Variants in CDYL2 observed in about 807,000 individuals in gnomAD.
CDYL2 encodes chromodomain Y-like protein 2.
A neutral mutation model predicts 49.4 loss-of-function variants in CDYL2; 23 were observed. The ratio of observed to expected loss-of-function variants is 0.47; its 90% CI spans 0.34 to 0.66. The LOEUF (loss-of-function observed/expected upper bound fraction) is 0.66. Among genes scored for constraint, CDYL2 ranks in the 30% least tolerant of loss-of-function variants. CDYL2 has a pLI of 0.01. For synonymous variants in CDYL2, 360 were observed against 268.8 expected (o/e 1.34, Z -3.32); for missense variants, 678 against 656.4 (o/e 1.03, Z -0.36).
rs180924485 is a variant in CDYL2 at position 80,741,139 on chromosome 16, G to C, written c.25-56010C>G. ...GACAAAAAACCAAATTGCATAAAAA[G>C]CCCAGAAACATATATATACATAATA... is the stretch of plus-strand genomic sequence containing the variant. On this transcript the variant is annotated intron_variant, in intron 1 of 6. Coordinates refer to ENST00000570137, the MANE Select transcript of CDYL2 (RefSeq NM_152342.4). Among the ~76,000 whole-genome samples, 4 of 149,496 alleles carry C rather than the reference G, an allele frequency of 2.7e-5. No individual in the cohort carries two copies. In the East Asian group the frequency reaches 7.8e-4, roughly 29 times the overall value.
intron 1 of CDYL2, among the ~76,000 whole-genome samples, chr16:80,774,574 A>T (rs995818367): frequency 6.6e-6 from 1 of 152,222 alleles, no homozygotes; most frequent in African/African-American, 2.4e-5. Context: ...AAAAAGATAA[A>T]TTGGTGAGGT....
chr16:80,744,056 CA>C (rs72081429), intron 1 of CDYL2, among the ~76,000 whole-genome samples: 126,185 of 151,826 alleles, frequency 0.83, 54,137 homozygotes, highest in Non-Finnish European at 0.95. Flanking sequence ...TTAATATGTT[CA>C]AAACCCCCAG....
chr16:80,608,176 C>G lies in CDYL2; in HGVS notation c.1278G>C (p.Gly426=). The change falls in exon 6 of 7, where the codon GGG becomes GGC. Residue 426 remains glycine, a synonymous_variant. Transcript: ENST00000570137. ...KLTAQEACSR[G]LVSQVFWPTT... The stretch of plus-strand genomic sequence containing the variant: ...TGGGCCAGAAGACCTGCGACACCAG[C>G]CCCCTGCTGCAGGCCTCCTGGGCGG... 6.2e-7 allele frequency: 1 copy of G among 1,602,690 alleles called. No homozygotes were observed. Among genetic ancestry groups the G allele is most frequent in the South Asian group, 1.1e-5 (1 of 88,466 alleles).
At chr16:80,801,277 A>G (rs890805900) in intron 1 of CDYL2, among the ~76,000 whole-genome samples, 1 of 152,230 alleles carries the variant, frequency 6.6e-6, no homozygotes, top group African/African-American at 2.4e-5. Context: ...AACCAGAACT[A>G]TCTATCAAGA....
chr16:80,620,353 T>A (rs1480279912), intron 4 of CDYL2, among the ~76,000 whole-genome samples: 2 of 152,102 alleles, frequency 1.3e-5, no homozygotes. Context: ...GCTACGGCAG[T>A]GCTGGGACAT....
At chr16:80,783,708 A>C (rs12444898) in intron 1 of CDYL2, among the ~76,000 whole-genome samples, 1 of 152,206 alleles carries the variant, frequency 6.6e-6, no homozygotes, top group Admixed American at 6.5e-5. Context: ...TACATGCTAC[A>C]TATATGTAAT....
intron 1 of CDYL2, among the ~76,000 whole-genome samples, chr16:80,802,563 C>T (rs1330332637): frequency 6.6e-6 from 1 of 152,228 alleles, no homozygotes; most frequent in Non-Finnish European, 1.5e-5. Flanking sequence ...CACCTTGTCT[C>T]TTAGCATAGA....
intron 2 of CDYL2, among the ~76,000 whole-genome samples, chr16:80,664,340 G>A (rs1028757871): frequency 2.6e-5 from 4 of 152,142 alleles, no homozygotes; most frequent in African/African-American, 9.7e-5. Flanking sequence ...ATCCTCCGGG[G>A]CCACTTGAAA....
At chr16:80,655,490 T>TA (rs1908766274) in intron 2 of CDYL2, among the ~76,000 whole-genome samples, 1 of 152,100 alleles carries the variant, frequency 6.6e-6, no homozygotes, top group African/African-American at 2.4e-5. Flanking sequence ...GGTGATGTGA[T>TA]AAAGAGTGAT....
At chr16:80,757,865 T>C (rs925485235) in intron 1 of CDYL2, among the ~76,000 whole-genome samples, 8 of 152,110 alleles carry the variant, frequency 5.3e-5, no homozygotes, top group Admixed American at 4.6e-4. Context: ...TCTTTCCAAG[T>C]CTACTAATAA....
At chr16:80,635,029 G>A (rs1907754053) in intron 2 of CDYL2, among the ~76,000 whole-genome samples, 2 of 152,226 alleles carry the variant, frequency 1.3e-5, no homozygotes, top group Admixed American at 6.5e-5. Context: ...CAAGAACACA[G>A]AATAGTAGAC....
intron 2 of CDYL2, among the ~76,000 whole-genome samples, chr16:80,676,342 G>A (rs540455735): frequency 5.3e-5 from 8 of 152,318 alleles, no homozygotes; most frequent in African/African-American, 1.9e-4. Context: ...CCTGGGGGTG[G>A]GTACTTGAAG....
At chr16:80,609,237 T>C (rs1906485209) in intron 5 of CDYL2, among the ~76,000 whole-genome samples, 1 of 152,186 alleles carries the variant, frequency 6.6e-6, no homozygotes, top group Non-Finnish European at 1.5e-5. Flanking sequence ...TGACAGACAG[T>C]GACTGATAAT....
intron 1 of CDYL2, among the ~76,000 whole-genome samples, chr16:80,695,427 T>C (rs1910581001): frequency 6.6e-6 from 1 of 152,192 alleles, no homozygotes; most frequent in South Asian, 2.1e-4. Context: ...TGTAAATGGA[T>C]TAAATTTCCC....
At position 80,598,319 on chromosome 16, in the gene CDYL2, T is replaced by TG. The variant is rs1249391635; in HGVS notation, c.*6068dup. On this transcript the variant is annotated 3_prime_UTR_variant, in exon 7 of 7. Transcript: ENST00000570137. The stretch of plus-strand genomic sequence containing the variant: ...TGATCAAATCCAAACACTCCTAGGG[T>TG]GGGCTGGATAAGTTTTTGGTAGCCT... 4 of 152,070 alleles carry TG rather than the reference T, an allele frequency of 2.6e-5. No homozygotes were observed. Among genetic ancestry groups the TG allele is most frequent in the Non-Finnish European group, 5.9e-5 (4 of 68,006 alleles). 9.4% of individuals were successfully genotyped at this position (152,070 alleles called of 1,614,324 possible).
At chr16:80,721,419 A>T (rs1195409748) in intron 1 of CDYL2, among the ~76,000 whole-genome samples, 2 of 152,180 alleles carry the variant, frequency 1.3e-5, no homozygotes, top group African/African-American at 2.4e-5. Context: ...TTTCCAAGGC[A>T]TGAGCAGGTT....
intron 1 of CDYL2, chr16:80,742,424 G>C (rs1905770264): frequency 6.6e-6 from 1 of 151,888 alleles, no homozygotes; most frequent in African/African-American, 2.4e-5. Context: ...AAATGGTTGA[G>C]TGGGTAGAAG....
In CDYL2 at chr16:80,658,107, C is replaced by CA. The variant is rs200254127; in HGVS notation, c.617-24872dup. 7.3e-3 allele frequency among the ~76,000 whole-genome samples: 856 copies of CA among 117,886 alleles called. 10 individuals carry two copies. The highest frequency in any genetic ancestry group is 0.023 in the East Asian group (97 of 4,212). The allele number at this position is 117,886 out of a possible 152,430, so 77.3% of individuals were successfully genotyped here. A position where few individuals can be genotyped will look rare whatever the true frequency, so the allele number is the denominator to read the frequency against. On this transcript the variant is annotated intron_variant, in intron 2 of 6. Transcript: ENST00000570137. Reference sequence around the variant, plus strand: ...AATAACATAAATTTGCTTTTTTTTCCAAAAAAAAAAAAATCACAAGAAGAA... The same window carrying CA: ...AATAACATAAATTTGCTTTTTTTTCCAAAAAAAAAAAAAATCACAAGAAGAA...
chr16:80,798,717 G>A (rs1160195051), intron 1 of CDYL2, among the ~76,000 whole-genome samples: 1 of 152,092 alleles, frequency 6.6e-6, no homozygotes, highest in Non-Finnish European at 1.5e-5. Context: ...CATCAAAGGG[G>A]ATCAGTGCCC....
Sources: allele counts gnomAD v4.1 joint callset (sites outside exome capture counted in the v4.1 genomes callset), GRCh38; gene constraint gnomAD v4.1.1; transcripts MANE v1.5; gene names NCBI Gene and HGNC (gene_info 2026-07-23, HGNC 2026-07-21).